LEF1: variants seen among roughly 807,000 people sequenced by gnomAD.
LEF1 encodes lymphoid enhancer binding factor 1, also known as lymphoid enhancer-binding factor 1.
In LEF1, 14 loss-of-function variants were observed where a neutral mutation model predicts 51.2. The ratio of observed to expected loss-of-function variants is 0.27; its 90% CI spans 0.18 to 0.43. The LOEUF is 0.43. LEF1 is among the 20% of genes least tolerant of loss of function. LEF1 has a pLI of 1.00. For synonymous variants in LEF1, 185 were observed against 183.2 expected, an observed-to-expected ratio of 1.01 and a Z score of -0.08; for missense variants, 386 against 512.0, an observed-to-expected ratio of 0.75 and a Z score of 2.37.
chr4:108,157,179 T>TACACACACACAC (rs59867246), intron 3 of LEF1, among the ~76,000 whole-genome samples: 3,324 of 116,638 alleles, frequency 0.028, 65 homozygotes, highest in Middle Eastern at 0.038. Flanking sequence ...TATATATATA[T>TACACACACACAC]ACACACACAC....
intron 3 of LEF1, among the ~76,000 whole-genome samples, chr4:108,132,445 C>G (rs988492597): frequency 1.3e-5 from 2 of 151,970 alleles, no homozygotes; most frequent in East Asian, 3.9e-4. Context: ...AGGATAGCAC[C>G]TTGGCAGATA....
intron 8 of LEF1, among the ~76,000 whole-genome samples, chr4:108,073,307 C>T (rs1305123956): frequency 6.6e-6 from 1 of 152,138 alleles, no homozygotes; most frequent in Non-Finnish European, 1.5e-5. Flanking sequence ...ATTGCTTGAA[C>T]CCAGGAGGTG....
intron 11 of LEF1, among the ~76,000 whole-genome samples, chr4:108,049,222 C>T (rs913492416): frequency 6.6e-6 from 1 of 152,188 alleles, no homozygotes; most frequent in East Asian, 1.9e-4. Flanking sequence ...ACTCCCGTGA[C>T]GCTATGTGCT....
intron 9 of LEF1, among the ~76,000 whole-genome samples, chr4:108,064,629 A>G (rs1737926282): frequency 2.0e-5 from 3 of 149,726 alleles, no homozygotes. Context: ...GTGGGTAGAC[A>G]CTTTGTCTCT....
intron 3 of LEF1, among the ~76,000 whole-genome samples, chr4:108,118,836 C>T (rs1741994158): frequency 6.6e-6 from 1 of 152,188 alleles, no homozygotes; most frequent in African/African-American, 2.4e-5. Context: ...ACACAACGTC[C>T]ACCAGACCTG....
intron 11 of LEF1, among the ~76,000 whole-genome samples, chr4:108,054,409 T>C (rs990105492): frequency 4.6e-5 from 7 of 152,210 alleles, no homozygotes; most frequent in Non-Finnish European, 1.0e-4. Context: ...GACGCAGCGC[T>C]GCTACTCGCC....
At chr4:108,095,282 C>T (rs902587720) in intron 3 of LEF1, among the ~76,000 whole-genome samples, 3 of 152,180 alleles carry the variant, frequency 2.0e-5, no homozygotes, top group African/African-American at 7.2e-5. Flanking sequence ...ACATGGGTTG[C>T]ACAGTTAGTA....
chr4:108,126,205 A>T lies in LEF1; in HGVS notation c.415-36948T>A, dbSNP rs35144714. Among the ~76,000 whole-genome samples the T allele has an allele frequency of 4.0e-3, 609 of 151,918 alleles. 4 individuals are homozygous for T. The highest frequency in any genetic ancestry group is 6.8e-3 in the Non-Finnish European group (460 of 67,912). On this transcript the variant is annotated intron_variant, in intron 3 of 11. Coordinates refer to ENST00000265165, the MANE Select transcript of LEF1 (RefSeq NM_016269.5). ...CCAATTCTAGATTTTTGACAGTAATAAAAAAAACCAGAGATTTCATGGATA... is the reference window on the plus strand; with the variant it reads ...CCAATTCTAGATTTTTGACAGTAATTAAAAAAACCAGAGATTTCATGGATA...
At chr4:108,110,674 T>G (rs769938518) in intron 3 of LEF1, among the ~76,000 whole-genome samples, 5 of 152,186 alleles carry the variant, frequency 3.3e-5, no homozygotes, top group Non-Finnish European at 4.4e-5. Flanking sequence ...CTGACAGACC[T>G]GGCCTCAAAC....
At chr4:108,119,247 C>G (rs964535092) in intron 3 of LEF1, among the ~76,000 whole-genome samples, 4 of 150,128 alleles carry the variant, frequency 2.7e-5, no homozygotes, top group Non-Finnish European at 5.9e-5. Context: ...AATCATTTGT[C>G]TTTGTTTTCT....
Position 108,167,011 on chromosome 4 carries a change from C to G in LEF1, c.213+544G>C, listed in dbSNP as rs942194067. 6.6e-6 allele frequency among the ~76,000 whole-genome samples: 1 copy of G among 152,066 alleles called. No individual in the cohort carries two copies. The highest frequency in any genetic ancestry group is 2.4e-5 in the African/African-American group (1 of 41,430). ...GCCTGCTCCCCGCGGCCCGGCTCAC[C>G]GGTGGTAGGGACGGCCCCGCCTGCC... is the stretch of plus-strand genomic sequence containing the variant. On this transcript the variant is annotated intron_variant, in intron 1 of 11. Coordinates refer to ENST00000265165, the MANE Select transcript of LEF1 (RefSeq NM_016269.5). The surrounding 1 kb of genome is among the most constrained non-coding windows in gnomAD (Gnocchi z 5.7).
intron 3 of LEF1, among the ~76,000 whole-genome samples, chr4:108,108,216 G>A (rs181638052): frequency 6.6e-6 from 1 of 152,268 alleles, no homozygotes; most frequent in East Asian, 1.9e-4. Context: ...CTTTCCAGTT[G>A]CTCAGACTTT....
intron 9 of LEF1, 62 bp from the exon 10 acceptor site, chr4:108,064,446 G>T: frequency 3.1e-6 from 4 of 1,270,528 alleles, no homozygotes; most frequent in Non-Finnish European, 4.6e-6. Context: ...AGATGAATGT[G>T]ATGTGGAAGT....
chr4:108,051,795 C>T (rs1200997936), intron 11 of LEF1, among the ~76,000 whole-genome samples: 2 of 151,834 alleles, frequency 1.3e-5, no homozygotes, highest in African/African-American at 4.8e-5. Flanking sequence ...ATCCCATCAA[C>T]CAAATGGAAC....
chr4:108,057,799 C>G (rs1391028926), intron 11 of LEF1, among the ~76,000 whole-genome samples: 2 of 152,246 alleles, frequency 1.3e-5, no homozygotes, highest in Admixed American at 1.3e-4. Flanking sequence ...TCATGCTCAT[C>G]TCTTGGCCCT....
intron 1 of LEF1, chr4:108,166,810 T>C (rs997492981): frequency 7.1e-6 from 7 of 985,910 alleles, no homozygotes; most frequent in Non-Finnish European, 8.4e-6. Flanking sequence ...TGTGGGTTTG[T>C]TTCCAAGTGA....
At chr4:108,108,664 G>A (rs546575523) in intron 3 of LEF1, among the ~76,000 whole-genome samples, 2 of 152,054 alleles carry the variant, frequency 1.3e-5, no homozygotes, top group African/African-American at 4.8e-5. Flanking sequence ...TTTTCCATGT[G>A]GTAAACAGGA....
intron 3 of LEF1, among the ~76,000 whole-genome samples, chr4:108,154,443 CAAAAA>C (rs10672899): frequency 1.3e-4 from 9 of 71,984 alleles, no homozygotes; most frequent in Middle Eastern, 8.9e-3. Context: ...AAGGTAGTAG[CAAAAA>C]AAAAAAAAAA....
chr4:108,081,692 C>T (rs1207062976), intron 5 of LEF1, 23 bp from the exon 6 acceptor site: 1 of 1,593,104 alleles, frequency 6.3e-7, no homozygotes, highest in South Asian at 1.1e-5. Context: ...AAGAAAGGAA[C>T]CCATCAATGA....
Sources: gnomAD v4.1 joint callset for allele counts (sites outside exome capture counted in the v4.1 genomes callset) on GRCh38, gnomAD v4.1.1 for gene constraint, Gnocchi (gnomAD v3.1) non-coding constraint, MANE v1.5 for transcripts, NCBI Gene and HGNC (gene_info 2026-07-23, HGNC 2026-07-21) for gene names.